OCA2: variants seen among roughly 807,000 people sequenced by gnomAD.
The protein encoded by OCA2 is OCA2 melanosomal transmembrane protein.
Under a neutral mutation model 100.2 loss-of-function variants are expected in OCA2, and 77 were observed. The observed-to-expected ratio is 0.77, with a 90% confidence interval of 0.64 to 0.93. OCA2 has a LOEUF of 0.93. Ranked by LOEUF, OCA2 falls within the 40% of genes least tolerant of loss-of-function variation. The pLI is 0.00. For synonymous variants in OCA2, 432 were observed against 439.2 expected, an observed-to-expected ratio of 0.98 and a Z score of 0.21; for missense variants, 1,062 against 1,089.1, an observed-to-expected ratio of 0.98 and a Z score of 0.35.
At chr15:27,768,666 T>G (rs1484157670) in intron 23 of OCA2, among the ~76,000 whole-genome samples, 1 of 152,182 alleles carries the variant, frequency 6.6e-6, no homozygotes, top group Non-Finnish European at 1.5e-5. Flanking sequence ...TCGAATAAAC[T>G]TTATATTTAG....
intron 2 of OCA2, among the ~76,000 whole-genome samples, chr15:28,048,154 T>C (rs182355108): frequency 2.0e-5 from 3 of 152,334 alleles, no homozygotes; most frequent in Admixed American, 6.5e-5. Context: ...CCTATGTTCA[T>C]GGATAAGAAG....
intron 2 of OCA2, among the ~76,000 whole-genome samples, chr15:28,069,213 TA>T (rs2044117857): frequency 6.6e-6 from 1 of 152,022 alleles, no homozygotes. Flanking sequence ...CTAGAATTGA[TA>T]AATGACTTTA....
intron 1 of OCA2, among the ~76,000 whole-genome samples, chr15:28,083,189 A>G (rs1478963696): frequency 5.3e-5 from 8 of 152,240 alleles, no homozygotes; most frequent in Admixed American, 2.6e-4. Context: ...ACCCAGGATG[A>G]AAGGAGTTTG....
intron 18 of OCA2, among the ~76,000 whole-genome samples, chr15:27,939,613 T>G (rs1227999564): frequency 6.6e-6 from 1 of 152,216 alleles, no homozygotes; most frequent in Non-Finnish European, 1.5e-5. Flanking sequence ...TAAATGCAGT[T>G]AAGAATTCTC....
At chr15:27,908,140 A>G (rs1020259218) in intron 19 of OCA2, among the ~76,000 whole-genome samples, 1 of 152,216 alleles carries the variant, frequency 6.6e-6, no homozygotes, top group African/African-American at 2.4e-5. Flanking sequence ...AGAAAATGAA[A>G]TATTAGCAAA....
chr15:27,978,837 C>A (rs2041053761), intron 14 of OCA2, among the ~76,000 whole-genome samples: 1 of 152,078 alleles, frequency 6.6e-6, no homozygotes, highest in East Asian at 1.9e-4. Flanking sequence ...ACGTGCCTGC[C>A]ACCATGCCCG....
intron 22 of OCA2, among the ~76,000 whole-genome samples, chr15:27,850,239 C>A (rs1275811576): frequency 6.6e-6 from 1 of 152,152 alleles, no homozygotes; most frequent in Non-Finnish European, 1.5e-5. Flanking sequence ...CTCCTCAGGG[C>A]CCTGTGCACT....
intron 9 of OCA2, among the ~76,000 whole-genome samples, chr15:28,006,071 G>T (rs2042082358): frequency 6.6e-6 from 1 of 152,166 alleles, no homozygotes; most frequent in South Asian, 2.1e-4. Context: ...ACTATAAAAT[G>T]GAGGTGGTGA....
chr15:27,984,418 C>G (rs903613000), intron 13 of OCA2, among the ~76,000 whole-genome samples: 2 of 152,212 alleles, frequency 1.3e-5, no homozygotes, highest in Admixed American at 1.3e-4. Flanking sequence ...CTCATCCACA[C>G]AGCCCACTCC....
At chr15:27,825,225 C>A (rs980448573) in intron 23 of OCA2, among the ~76,000 whole-genome samples, 2 of 152,150 alleles carry the variant, frequency 1.3e-5, no homozygotes, top group South Asian at 4.1e-4. Context: ...CGCTGTGCAC[C>A]TGCCCTCCCG....
intron 5 of OCA2, 150 bp from the exon 6 acceptor site, chr15:28,022,723 A>T (rs969103140): frequency 7.3e-6 from 5 of 686,558 alleles, no homozygotes; most frequent in Admixed American, 2.1e-5. Context: ...CTTTGTCTTA[A>T]ATATTATAAT....
chr15:27,914,174 T>C (rs1181335296), intron 19 of OCA2, among the ~76,000 whole-genome samples: 1 of 151,780 alleles, frequency 6.6e-6, no homozygotes, highest in Non-Finnish European at 1.5e-5. Flanking sequence ...AGGCTTTTGA[T>C]AAAATTCAAC....
At chr15:28,024,561 G>A in intron 5 of OCA2, among the ~76,000 whole-genome samples, 1 of 152,336 alleles carries the variant, frequency 6.6e-6, no homozygotes, top group Non-Finnish European at 1.5e-5. Context: ...ACTCGAGGGG[G>A]AAGGGAGCCC....
At chr15:28,022,438 G>A in intron 6 of OCA2, 63 bp downstream of exon 6, 1 of 1,182,346 alleles carries the variant, frequency 8.5e-7, no homozygotes, top group Non-Finnish European at 1.3e-6. Context: ...CCGTCTGCAA[G>A]TGTCTCCTTG....
intron 19 of OCA2, chr15:27,896,114 C>G (rs2037677347): frequency 9.1e-7 from 1 of 1,099,940 alleles, no homozygotes; most frequent in Admixed American, 1.7e-5. Context: ...AGCCAAGTGC[C>G]TTTACCTGCT....
chr15:27,986,720 C>A (rs2041367564), intron 11 of OCA2, 77 bp from the exon 12 acceptor site: 1 of 967,680 alleles, frequency 1.0e-6, no homozygotes, highest in African/African-American at 1.6e-5. Context: ...TGATCCCTTA[C>A]ACATTTGAGC....
intron 21 of OCA2, among the ~76,000 whole-genome samples, chr15:27,854,526 C>G (rs1595521682): frequency 6.6e-6 from 1 of 152,338 alleles, no homozygotes; most frequent in Middle Eastern, 3.4e-3. Context: ...GGAAAAGCAT[C>G]TGATTCTGCG....
chr15:28,045,922 A>G (rs1202217555), intron 2 of OCA2, among the ~76,000 whole-genome samples: 1 of 152,176 alleles, frequency 6.6e-6, no homozygotes, highest in African/African-American at 2.4e-5. Context: ...CAAAACCCTC[A>G]GTCTTGAGAA....
intron 9 of OCA2, among the ~76,000 whole-genome samples, chr15:28,009,684 T>TCTCACA (rs780133233): frequency 1.4e-5 from 2 of 138,008 alleles, no homozygotes; most frequent in African/African-American, 2.7e-5. Context: ...CGAGATTCTG[T>TCTCACA]CACACACACA....
Sources: allele counts gnomAD v4.1 joint callset (sites outside exome capture counted in the v4.1 genomes callset), GRCh38; gene constraint gnomAD v4.1.1; transcripts MANE v1.5; gene names NCBI Gene and HGNC (gene_info 2026-07-23, HGNC 2026-07-21).